SDK2: variants seen among roughly 807,000 people sequenced by gnomAD.
The protein encoded by SDK2 is sidekick cell adhesion molecule 2.
Under a neutral mutation model 253.9 loss-of-function variants are expected in SDK2, and 105 were observed. That is an observed-to-expected ratio of 0.41 (90% CI 0.35 to 0.49). The LOEUF (loss-of-function observed/expected upper bound fraction) is 0.49, where lower values mean the gene tolerates loss of function less well. SDK2 is among the 20% of genes least tolerant of loss of function. SDK2 has a pLI of 0.06. For missense variants in SDK2, 2,608 were observed against 3,003.0 expected, an observed-to-expected ratio of 0.87 and a Z score of 3.07; for synonymous variants, 1,249 against 1,234.9, an observed-to-expected ratio of 1.01 and a Z score of -0.24.
intron 2 of SDK2, among the ~76,000 whole-genome samples, chr17:73,490,988 A>T (rs2063802619): frequency 6.6e-6 from 1 of 152,226 alleles, no homozygotes; most frequent in South Asian, 2.1e-4. Flanking sequence ...CATGGCCAGT[A>T]GTTGGCAGAG....
Position 73,335,072 on chromosome 17 carries a change from G to A in SDK2, c.*3515C>T, listed in dbSNP as rs2062367703. 6.6e-6 allele frequency: 1 copy of A among 152,348 alleles called. No individual in the cohort carries two copies. The allele number at this position is 152,348 out of a possible 1,614,324, so 9.4% of individuals were successfully genotyped here. A position where few individuals can be genotyped will look rare whatever the true frequency, so the allele number is the denominator to read the frequency against. ...TTCCTCTAAATCACGGCAGTGCCAG[G>A]TTTGGGGGTAGGAGTTTTGGGGGCC... On this transcript the variant is annotated 3_prime_UTR_variant, in exon 45 of 45. Transcript: ENST00000392650.
At position 73,338,986 on chromosome 17, in the gene SDK2, A is replaced by AG. The variant is rs2062408099; in HGVS notation, c.6166-47dup. 2 of 1,556,636 alleles carry AG rather than the reference A, an allele frequency of 1.3e-6. No individual in the cohort carries two copies. The highest frequency in any genetic ancestry group is 1.7e-4 in the Middle Eastern group (1 of 5,902). On this transcript the variant is annotated intron_variant, in intron 44 of 44. Transcript: ENST00000392650. This position sits in a 1 kb window ranked among gnomAD's most constrained non-coding sequence, Gnocchi z 5.0. ...GGTGTGTCAGTGGCCCCGTAGGGAC[A>AG]GGCCATTGTGGTTGGGGCCGGAAGG...
intron 1 of SDK2, among the ~76,000 whole-genome samples, chr17:73,562,430 T>G (rs1199681476): frequency 2.6e-5 from 4 of 152,188 alleles, no homozygotes; most frequent in African/African-American, 9.7e-5. Context: ...TCTTTTTAGA[T>G]CCAATTAACT....
chr17:73,489,302 C>T lies in SDK2; in HGVS notation c.225-17084G>A, dbSNP rs1425790542. On this transcript the variant is annotated intron_variant, in intron 2 of 44. Transcript: ENST00000392650. ...TGGAGGCCAGAGGGAAGGAGTTAAA[C>T]ATCAGGTCTTTCAGCATCTCCAAAT... Among the ~76,000 whole-genome samples the T allele has an allele frequency of 3.4e-4, 52 of 152,310 alleles. 1 individual carries two copies. Among genetic ancestry groups the T allele is most frequent in the Non-Finnish European group, 4.4e-5 (3 of 68,044 alleles).
At chr17:73,385,372 T>C (rs184261537) in intron 32 of SDK2, among the ~76,000 whole-genome samples, 3 of 152,254 alleles carry the variant, frequency 2.0e-5, no homozygotes, top group African/African-American at 4.8e-5. Context: ...TTCTCTCTAC[T>C]TGCACAGTGA....
chr17:73,357,983 C>A, intron 40 of SDK2, 96 bp downstream of exon 40: 2 of 1,558,412 alleles, frequency 1.3e-6, no homozygotes, highest in Non-Finnish European at 1.8e-6. Flanking sequence ...AGCGCCTTCT[C>A]AGGCGGAGGA....
chr17:73,506,024 C>T (rs115439039), intron 2 of SDK2, among the ~76,000 whole-genome samples: 3,566 of 152,338 alleles, frequency 0.023, 121 homozygotes, highest in African/African-American at 0.074. Context: ...TCTCCTCCTC[C>T]CCTCCTCCTG....
chr17:73,380,850 C>A (rs370093905), intron 34 of SDK2, 44 bp downstream of exon 34: 4 of 1,516,630 alleles, frequency 2.6e-6, no homozygotes, highest in Non-Finnish European at 2.7e-6. Flanking sequence ...CAATCCCCTG[C>A]GAGGCCTGGG....
In SDK2 at chr17:73,613,568, T is replaced by C. The variant is rs1191786555; in HGVS notation, c.64+30457A>G. Among the ~76,000 whole-genome samples the C allele has an allele frequency of 5.3e-5, 8 of 150,700 alleles. No individual in the cohort carries two copies. The East Asian group carries it at 1.6e-3, about 30-fold the overall frequency. ...GCATTTGGGAGGCAGGTTTCTGAAA[T>C]CGGAGCCACTGTGCGGCCCCACCCC... On this transcript the variant is annotated intron_variant, in intron 1 of 44. Coordinates refer to ENST00000392650, the MANE Select transcript of SDK2 (RefSeq NM_001144952.2).
intron 2 of SDK2, among the ~76,000 whole-genome samples, chr17:73,503,204 TGAA>T (rs1224377904): frequency 6.6e-5 from 10 of 152,204 alleles, no homozygotes; most frequent in Non-Finnish European, 1.2e-4. Context: ...GGTCCGGCGT[TGAA>T]GAAGAACAAC....
intron 3 of SDK2, among the ~76,000 whole-genome samples, chr17:73,461,614 AG>A (rs971137534): frequency 6.6e-6 from 1 of 152,146 alleles, no homozygotes; most frequent in African/African-American, 2.4e-5. Context: ...GGATTTGTTC[AG>A]TGGATGGATG....
At position 73,455,910 on chromosome 17, in the gene SDK2, G is replaced by A. The variant is rs1187077261; in HGVS notation, c.475C>T (p.Arg159Cys). Residue 159 changes from arginine to cysteine, a missense_variant, in exon 4 of 45, where the codon CGC becomes TGC. By Grantham distance (180) the Arg-to-Cys change is radical. Transcript: ENST00000392650. This position sits in a 1 kb window ranked among gnomAD's most constrained non-coding sequence, Gnocchi z 5.0. The part of the protein sequence containing the change: ...RDGRKIPPSS[R>C]IAITLENTLV... ...CCCTCAGAGCGATGCACTCACATGC[G>A]GCTGCTGGGCGGGATCTTGCGGCCG... 2.0e-5 allele frequency: 31 copies of A among 1,541,790 alleles called. No individual in the cohort carries two copies. Among genetic ancestry groups the A allele is most frequent in the Non-Finnish European group, 2.6e-5 (30 of 1,145,944 alleles).
At chr17:73,400,270 C>T (rs568604582) in intron 21 of SDK2, among the ~76,000 whole-genome samples, 34 of 152,300 alleles carry the variant, frequency 2.2e-4, no homozygotes, top group African/African-American at 7.0e-4. Context: ...GAGTGGACCT[C>T]GGCTTGCTCT....
At chr17:73,545,316 C>G (rs2044944033) in intron 1 of SDK2, among the ~76,000 whole-genome samples, 1 of 152,176 alleles carries the variant, frequency 6.6e-6, no homozygotes, top group Admixed American at 6.5e-5. Context: ...TGACCCACCC[C>G]TACTGTATGT....
chr17:73,446,500 C>T (rs919455174), intron 5 of SDK2, among the ~76,000 whole-genome samples: 42 of 152,144 alleles, frequency 2.8e-4, no homozygotes, highest in Admixed American at 2.2e-3. Context: ...TAATGGGAAG[C>T]GGTTCCTGCT....
intron 1 of SDK2, chr17:73,516,939 A>G (rs917741414): frequency 6.6e-6 from 1 of 152,232 alleles, no homozygotes; most frequent in Non-Finnish European, 1.5e-5. Flanking sequence ...CCAGGGAATC[A>G]TAAGTGGGGT....
intron 1 of SDK2, among the ~76,000 whole-genome samples, chr17:73,510,119 C>T (rs2063969030): frequency 6.6e-6 from 1 of 151,840 alleles, no homozygotes; most frequent in Admixed American, 6.6e-5. Context: ...CAGGTCTATC[C>T]TCTCACCATC....
intron 22 of SDK2, 78 bp from the exon 23 acceptor site, chr17:73,398,507 G>C: frequency 7.8e-7 from 1 of 1,279,436 alleles, no homozygotes; most frequent in Non-Finnish European, 1.1e-6. Context: ...TACAAGCCCT[G>C]CCAGGGAAGA....
At chr17:73,405,453 A>C (rs1370251014) in intron 18 of SDK2, among the ~76,000 whole-genome samples, 2 of 111,352 alleles carry the variant, frequency 1.8e-5, no homozygotes, top group African/African-American at 3.3e-5. Flanking sequence ...AAAAAAAAAA[A>C]ACAAACAAAA....
Sources: allele counts gnomAD v4.1 joint callset (sites outside exome capture counted in the v4.1 genomes callset), GRCh38; gene constraint gnomAD v4.1.1; non-coding constraint Gnocchi (gnomAD v3.1); transcripts MANE v1.5; gene names NCBI Gene and HGNC (gene_info 2026-07-23, HGNC 2026-07-21).